Variants in IQSEC1 observed in about 807,000 individuals in gnomAD.
IQSEC1 encodes the protein IQ motif and SEC7 domain-containing protein 1.
Under a neutral mutation model 91.0 loss-of-function variants are expected in IQSEC1, and 31 were observed. The observed-to-expected ratio is 0.34, with a 90% CI of 0.26 to 0.46. The LOEUF is 0.46. IQSEC1 is among the 20% of genes least tolerant of loss of function. The probability of loss-of-function intolerance (pLI) is 1.00; values close to 1 mark genes in which losing one functional copy is unlikely to be tolerated. For missense variants in IQSEC1, 1,388 were observed against 1,575.6 expected, an observed-to-expected ratio of 0.88 and a Z score of 2.02; for synonymous variants, 699 against 662.6, an observed-to-expected ratio of 1.05 and a Z score of -0.84.
At chr3:13,015,511 G>A (rs4684895) in intron 1 of IQSEC1, 159,488 of 964,962 alleles carry the variant, frequency 0.17, 13,926 homozygotes, top group African/African-American at 0.28. Context: ...CCTGACAGTC[G>A]CCAGCCCCTC....
intron 6 of IQSEC1, 34 bp from the exon 7 acceptor site, chr3:12,915,767 G>A (rs773622520): frequency 6.2e-7 from 1 of 1,605,190 alleles, no homozygotes; most frequent in South Asian, 1.1e-5. Context: ...ATCAGGGTGG[G>A]CCCCAGGCTC....
chr3:13,226,154 C>T (rs1694750378), intron 1 of IQSEC1, among the ~76,000 whole-genome samples: 2 of 152,220 alleles, frequency 1.3e-5, no homozygotes, highest in Admixed American at 1.3e-4. Flanking sequence ...GCTGGGATTA[C>T]AGGCGTGAGC....
intron 1 of IQSEC1, among the ~76,000 whole-genome samples, chr3:13,023,957 C>T (rs1703507399): frequency 6.6e-6 from 1 of 152,142 alleles, no homozygotes; most frequent in Non-Finnish European, 1.5e-5. Flanking sequence ...TTTCAAGGCT[C>T]CCCATTCCTT....
chr3:13,235,164 A>G (rs1395588770), intron 1 of IQSEC1, among the ~76,000 whole-genome samples: 1 of 152,146 alleles, frequency 6.6e-6, no homozygotes, highest in Non-Finnish European at 1.5e-5. Flanking sequence ...GAGAGTCCCC[A>G]TCCAAAGTGG....
chr3:13,140,912 C>T (rs1272418480), intron 2 of IQSEC1, among the ~76,000 whole-genome samples: 2 of 152,322 alleles, frequency 1.3e-5, no homozygotes, highest in East Asian at 1.9e-4. Flanking sequence ...GCGCTGGTGT[C>T]ATAGTGTGCG....
chr3:12,921,744 A>T (rs927534449), intron 5 of IQSEC1, among the ~76,000 whole-genome samples: 3 of 152,232 alleles, frequency 2.0e-5, no homozygotes, highest in African/African-American at 7.2e-5. Flanking sequence ...CAAATGAATG[A>T]CTAGATAGAT....
intron 1 of IQSEC1, among the ~76,000 whole-genome samples, chr3:13,046,861 T>C (rs924919266): frequency 2.0e-5 from 3 of 152,206 alleles, no homozygotes; most frequent in African/African-American, 7.2e-5. Flanking sequence ...GCCAGGACAG[T>C]CTGCCTGTCA....
At position 13,029,976 on chromosome 3, in the gene IQSEC1, T is replaced by C. The variant is rs539133542; in HGVS notation, c.23+43016A>G. 2.0e-5 allele frequency among the ~76,000 whole-genome samples: 3 copies of C among 152,354 alleles called. No individual in the cohort carries two copies. The East Asian group carries it at 5.8e-4, about 29-fold the overall frequency. ...TCCACCCTCGTCCCACCTTTATTTATTTATTTATTTTGAGATGAGGTCTCG... is the reference window on the plus strand; with the variant it reads ...TCCACCCTCGTCCCACCTTTATTTACTTATTTATTTTGAGATGAGGTCTCG... On this transcript the variant is annotated intron_variant, in intron 1 of 13. Coordinates refer to ENST00000613206, the MANE Select transcript of IQSEC1 (RefSeq NM_001134382.3).
At chr3:13,151,835 A>G (rs358346) in intron 2 of IQSEC1, among the ~76,000 whole-genome samples, 133,269 of 152,050 alleles carry the variant, frequency 0.88, 58,488 homozygotes, top group East Asian at 0.96. Context: ...GTATGGTGGC[A>G]GGTGCCTGTA....
Position 12,994,278 on chromosome 3 carries a change from C to G in IQSEC1, c.24-52413G>C, listed in dbSNP as rs1702131776. On this transcript the variant is annotated intron_variant, in intron 1 of 13. Coordinates refer to ENST00000613206, the MANE Select transcript of IQSEC1 (RefSeq NM_001134382.3). This position sits in a 1 kb window ranked among gnomAD's most constrained non-coding sequence, Gnocchi z 4.5. The stretch of plus-strand genomic sequence containing the variant: ...CCTGCCCGCCCCACCGCCCGTGCGC[C>G]GTGACCTTGGCGGGTGGCCTCGCCG... Among the ~76,000 whole-genome samples, 1 of 151,316 alleles carries G rather than the reference C, an allele frequency of 6.6e-6. No individual in the cohort carries two copies. The highest frequency in any genetic ancestry group is 1.5e-5 in the Non-Finnish European group (1 of 67,726).
At chr3:13,013,812 A>G (rs1014281430) in intron 1 of IQSEC1, among the ~76,000 whole-genome samples, 1 of 152,222 alleles carries the variant, frequency 6.6e-6, no homozygotes, top group African/African-American at 2.4e-5. Flanking sequence ...TTGTTGAATG[A>G]CTGAATTAAC....
chr3:13,231,268 C>T lies in IQSEC1; in HGVS notation c.272+51443G>A, dbSNP rs553612041. Among the ~76,000 whole-genome samples, 11 of 152,188 alleles carry T rather than the reference C, an allele frequency of 7.2e-5. 1 individual carries two copies. Among genetic ancestry groups the T allele is most frequent in the South Asian group, 4.1e-4 (2 of 4,822 alleles). On this transcript the variant is annotated intron_variant, in intron 1 of 15. Transcript: ENST00000648114. ...TCCATGAACTTTTTGAAGTCCCGTG[C>T]GTGTGTGTGTCTGTGTGTGTGCCCA...
chr3:13,263,287 A>C (rs995551982), intron 1 of IQSEC1, among the ~76,000 whole-genome samples: 5 of 152,140 alleles, frequency 3.3e-5, no homozygotes, highest in African/African-American at 1.2e-4. Context: ...AACCAATGTG[A>C]ATATACCTAA....
chr3:13,033,578 A>G (rs10865713), intron 1 of IQSEC1, among the ~76,000 whole-genome samples: 27,330 of 152,066 alleles, frequency 0.18, 2,993 homozygotes, highest in East Asian at 0.35. Flanking sequence ...GATTACAAAG[A>G]CTGACACGTC....
intron 1 of IQSEC1, among the ~76,000 whole-genome samples, chr3:13,005,828 T>G (rs140469238): frequency 1.3e-5 from 2 of 151,900 alleles, no homozygotes; most frequent in African/African-American, 4.8e-5. Context: ...GATTTGAGGG[T>G]CCCCCTTGCA....
intron 1 of IQSEC1, among the ~76,000 whole-genome samples, chr3:13,217,950 G>A (rs576259741): frequency 2.6e-5 from 4 of 152,244 alleles, no homozygotes; most frequent in African/African-American, 7.2e-5. Context: ...CAGAAGAGCT[G>A]GAAAGACCTG....
chr3:13,026,703 T>A (rs1258263236), intron 1 of IQSEC1, among the ~76,000 whole-genome samples: 1 of 152,138 alleles, frequency 6.6e-6, no homozygotes, highest in Non-Finnish European at 1.5e-5. Context: ...TCCTCTCCGT[T>A]CCCTGAGCCT....
intron 1 of IQSEC1, chr3:13,047,445 T>G: frequency 2.0e-6 from 2 of 983,246 alleles, no homozygotes; most frequent in Non-Finnish European, 2.4e-6. Flanking sequence ...AAGGAGATCC[T>G]GGGGCAGGCT....
At chr3:13,158,226 C>T (rs1224834938) in intron 2 of IQSEC1, among the ~76,000 whole-genome samples, 1 of 152,204 alleles carries the variant, frequency 6.6e-6, no homozygotes, top group Non-Finnish European at 1.5e-5. Context: ...CCAGCCCCAG[C>T]CCGTCTCTCA....
Sources: gnomAD v4.1 joint callset for allele counts (sites outside exome capture counted in the v4.1 genomes callset) on GRCh38, gnomAD v4.1.1 for gene constraint, Gnocchi (gnomAD v3.1) non-coding constraint, MANE v1.5 for transcripts, NCBI Gene and HGNC (gene_info 2026-07-23, HGNC 2026-07-21) for gene names.